The following LYZ variants were observed in gnomAD, a reference collection of about 807,000 sequenced individuals.
The protein encoded by LYZ is lysozyme.
Under a neutral mutation model 15.8 loss-of-function variants are expected in LYZ, and 18 were observed. That is an observed-to-expected ratio of 1.14 (90% CI 0.79 to 1.69). The LOEUF (loss-of-function observed/expected upper bound fraction) is 1.69. LYZ is among the 40% of genes most tolerant of loss of function. The pLI is 0.00. For missense variants in LYZ, 139 were observed against 182.8 expected (o/e 0.76, Z 1.38); for synonymous variants, 60 against 61.7 (o/e 0.97, Z 0.13).
intron 1 of LYZ, among the ~76,000 whole-genome samples, chr12:69,348,987 TA>T (rs963048388): frequency 8.1e-6 from 1 of 123,662 alleles, no homozygotes; most frequent in African/African-American, 5.1e-5. Context: ...GTGGGATTTT[TA>T]TTTTTATTTT....
rs374368794 is a variant in LYZ, at chr12:69,353,140, T to A, written c.381-13T>A. 17 of 1,606,864 alleles carry A rather than the reference T, an allele frequency of 1.1e-5. No homozygotes were observed. Among genetic ancestry groups the A allele is most frequent in the Non-Finnish European group, 1.3e-5 (15 of 1,173,442 alleles). ...TTTTAACCTTTCACCATTTGCTTCA[T>A]CTTTTTCTACAGGGTGGCATGGAGA... On this transcript the variant is annotated splice_polypyrimidine_tract_variant and intron_variant, in intron 3 of 3. Transcript: ENST00000261267.
chr12:69,348,639 T>C, intron 1 of LYZ, 95 bp downstream of exon 1: 1 of 1,452,858 alleles, frequency 6.9e-7, no homozygotes. Context: ...AGTGAATAGA[T>C]GTTTTATTTC....
At chr12:69,352,145 G>GA in intron 2 of LYZ, 75 bp from the exon 3 acceptor site, 3 of 992,130 alleles carry the variant, frequency 3.0e-6, no homozygotes, top group African/African-American at 1.6e-5. Flanking sequence ...CAGCCTAACA[G>GA]AAAAAAGCTG....
intron 2 of LYZ, among the ~76,000 whole-genome samples, chr12:69,350,737 C>CTT (rs60163961): frequency 2.8e-3 from 73 of 26,004 alleles, no homozygotes; most frequent in African/African-American, 5.2e-3. Context: ...TCTTCTATGC[C>CTT]TTTTTTTTTT....
chr12:69,349,812 A>T (rs575329707), intron 1 of LYZ, among the ~76,000 whole-genome samples: 2 of 152,336 alleles, frequency 1.3e-5, no homozygotes, highest in South Asian at 4.1e-4. Flanking sequence ...TTCTTGGCTG[A>T]ATGTTGCCTG....
chr12:69,349,496 A>G (rs1481943399), intron 1 of LYZ, among the ~76,000 whole-genome samples: 1 of 152,210 alleles, frequency 6.6e-6, no homozygotes, highest in South Asian at 2.1e-4. Flanking sequence ...AAGATGTGCC[A>G]TGAGGAAAAG....
chr12:69,348,544 T>A lies in LYZ; in HGVS notation c.136T>A (p.Trp46Arg). 1.2e-6 allele frequency: 2 copies of A among 1,614,176 alleles called. No individual in the cohort carries two copies. The highest frequency in any genetic ancestry group is 1.7e-6 in the Non-Finnish European group (2 of 1,180,014). ...DGYRGISLAN[W>R]MCLAKWESGY... ...CTACAGGGGAATCAGCCTAGCAAAC[T>A]GTAAGTCTACTCTCCATAATTCCAG... The change falls in exon 1 of 4, where the codon TGG becomes AGG. Residue 46 changes from tryptophan (W) to arginine (R), a missense_variant and splice_region_variant. Trp to Arg is a moderately radical substitution (Grantham distance 101). Coordinates refer to ENST00000261267, the MANE Select transcript of LYZ (RefSeq NM_000239.3).
In LYZ at chr12:69,353,541, T is replaced by C; in HGVS notation, c.*322T>C. 1 of 314,682 alleles carries C rather than the reference T, an allele frequency of 3.2e-6. No homozygotes were observed. Among genetic ancestry groups the C allele is most frequent in the South Asian group, 2.8e-5 (1 of 36,040 alleles). The allele number at this position is 314,682 out of a possible 1,614,324, so 19.5% of individuals were successfully genotyped here. A position where few individuals can be genotyped will look rare whatever the true frequency, so the allele number is the denominator to read the frequency against. ...TCTCGCTCTGTCGCCCAGGCTGGAG[T>C]GCAGTGGCGCAATCTCGGCTCACTG... On this transcript the variant is annotated 3_prime_UTR_variant, in exon 4 of 4. Coordinates refer to ENST00000261267, the MANE Select transcript of LYZ (RefSeq NM_000239.3).
At chr12:69,349,624 C>T (rs191101045) in intron 1 of LYZ, among the ~76,000 whole-genome samples, 33 of 152,160 alleles carry the variant, frequency 2.2e-4, no homozygotes, top group African/African-American at 6.0e-4. Flanking sequence ...GATGAAATCA[C>T]GGAATAGTCT....
rs772016638 is a variant in LYZ, at chr12:69,350,210, G to T, written c.239G>T (p.Arg80Leu). Residue 80 changes from arginine (R) to leucine (L), a missense_variant, in exon 2 of 4, where the codon CGC (arginine) becomes CTC (leucine). Coordinates refer to ENST00000261267, the MANE Select transcript of LYZ (RefSeq NM_000239.3). ...TDYGIFQINSRYWCNDGKTPG... is the reference protein window; with the variant it reads ...TDYGIFQINSLYWCNDGKTPG... ...TATGGGATATTTCAGATCAATAGCCGCTACTGGTGTAATGATGGCAAAACC... is the reference window on the plus strand; with the variant it reads ...TATGGGATATTTCAGATCAATAGCCTCTACTGGTGTAATGATGGCAAAACC... The T allele has an allele frequency of 1.2e-6, 2 of 1,613,936 alleles. No individual in the cohort carries two copies. Among genetic ancestry groups the T allele is most frequent in the Non-Finnish European group, 1.7e-6 (2 of 1,179,968 alleles).
At position 69,353,348 on chromosome 12, in the gene LYZ, T is replaced by C; in HGVS notation, c.*129T>C. On this transcript the variant is annotated 3_prime_UTR_variant, in exon 4 of 4. Coordinates refer to ENST00000261267, the MANE Select transcript of LYZ (RefSeq NM_000239.3). ...TATTTTTACAGAAGCAGGAGCAAAA[T>C]ATGGCCTTTCTTCTAAGAGATATAA... 1.3e-6 allele frequency: 1 copy of C among 779,918 alleles called. No homozygotes were observed. The highest frequency in any genetic ancestry group is 2.3e-6 in the Non-Finnish European group (1 of 433,594). The allele number at this position is 779,918 out of a possible 1,614,324, so 48.3% of individuals were successfully genotyped here.
In LYZ at chr12:69,348,493, AC is replaced by A. The variant is rs1565669113; in HGVS notation, c.86del (p.Thr29IlefsTer2). ...CTTTGAAAGGTGTGAGTTGGCCAGA[AC>A]TCTGAAAAGATTGGGAATGGATGGC... ...KVFERCELAR[T>X]LKRLGMDGYR... On this transcript the variant is annotated frameshift_variant, in exon 1 of 4. Coordinates refer to ENST00000261267, the MANE Select transcript of LYZ (RefSeq NM_000239.3). LOFTEE classifies it high-confidence loss of function. 11 of 1,614,192 alleles carry A rather than the reference AC, an allele frequency of 6.8e-6. No individual in the cohort carries two copies. Among genetic ancestry groups the A allele is most frequent in the Non-Finnish European group, 9.3e-6 (11 of 1,180,034 alleles).
In LYZ at chr12:69,352,243, G is replaced by C. The variant is rs748397486; in HGVS notation, c.325G>C (p.Asp109His). The change falls in exon 3 of 4, where the codon GAT becomes CAT. Residue 109 changes from aspartate to histidine, a missense_variant. By Grantham distance (81) the Asp-to-His change is moderately conservative (BLOSUM62 -1). Transcript: ENST00000261267. ...AGCTTTGCTGCAAGATAACATCGCT[G>C]ATGCTGTAGCTTGTGCAAAGAGGGT... ...CSALLQDNIA[D>H]AVACAKRVVR... 2.5e-6 allele frequency: 4 copies of C among 1,613,852 alleles called. No individual in the cohort carries two copies. In the Admixed American group the frequency reaches 6.7e-5, roughly 27 times the overall value.
intron 3 of LYZ, 137 bp downstream of exon 3, chr12:69,352,435 A>G: frequency 1.6e-6 from 1 of 640,582 alleles, no homozygotes; most frequent in Non-Finnish European, 2.8e-6. Flanking sequence ...ATGATGTATT[A>G]CCTACATCCT....
At chr12:69,349,111 CG>C (rs1414635082) in intron 1 of LYZ, among the ~76,000 whole-genome samples, 1 of 152,168 alleles carries the variant, frequency 6.6e-6, no homozygotes, top group Non-Finnish European at 1.5e-5. Context: ...AAGTGATTCT[CG>C]TGCTTCAGCC....
At chr12:69,349,722 T>TA (rs1017432669) in intron 1 of LYZ, among the ~76,000 whole-genome samples, 4 of 152,184 alleles carry the variant, frequency 2.6e-5, no homozygotes, top group Non-Finnish European at 5.9e-5. Context: ...TTTTTCTGAT[T>TA]AAAAAAAGCA....
intron 2 of LYZ, 128 bp downstream of exon 2, chr12:69,350,400 T>C: frequency 1.1e-6 from 1 of 899,460 alleles, no homozygotes; most frequent in East Asian, 2.5e-5. Flanking sequence ...AGAAAGTCAT[T>C]ATTATTTTCC....
At chr12:69,352,527 A>T (rs1308979814) in intron 3 of LYZ, among the ~76,000 whole-genome samples, 2 of 152,210 alleles carry the variant, frequency 1.3e-5, no homozygotes, top group African/African-American at 4.8e-5. Context: ...TAGAGTTTTA[A>T]GATGCTTCAC....
At chr12:69,348,715 C>T (rs1298943559) in intron 1 of LYZ, among the ~76,000 whole-genome samples, 171 bp downstream of exon 1, 4 of 152,098 alleles carry the variant, frequency 2.6e-5, no homozygotes, top group African/African-American at 4.8e-5. Flanking sequence ...CAGAGATACC[C>T]GATAAAGGAA....
Sources: allele counts gnomAD v4.1 joint callset (sites outside exome capture counted in the v4.1 genomes callset), GRCh38; gene constraint gnomAD v4.1.1; transcripts MANE v1.5; gene names NCBI Gene and HGNC (gene_info 2026-07-23, HGNC 2026-07-21).